The following EFHD1 variants were observed in gnomAD, a reference collection of about 807,000 sequenced individuals.
EFHD1 encodes EF-hand domain family member D1.
In EFHD1, 10 loss-of-function variants were observed where a neutral mutation model predicts 17.2. The observed-to-expected ratio is 0.58, with a 90% CI of 0.36 to 0.99. The LOEUF (loss-of-function observed/expected upper bound fraction) is 0.99. Ranked by LOEUF, EFHD1 falls within the 50% of genes least tolerant of loss-of-function variation. EFHD1 has a pLI of 0.01. For synonymous variants in EFHD1, 153 were observed against 142.0 expected, an observed-to-expected ratio of 1.08 and a Z score of -0.55; for missense variants, 310 against 327.5, an observed-to-expected ratio of 0.95 and a Z score of 0.41.
intron 1 of EFHD1, chr2:232,638,548 C>T (rs575232862): frequency 7.1e-5 from 32 of 449,714 alleles, no homozygotes; most frequent in Non-Finnish European, 1.4e-4. Context: ...TTTTTCTCCT[C>T]CTTAGTCTTG....
intron 1 of EFHD1, among the ~76,000 whole-genome samples, chr2:232,662,487 C>G (rs1694891050): frequency 1.3e-5 from 2 of 152,056 alleles, no homozygotes; most frequent in Admixed American, 6.5e-5. Flanking sequence ...GAGGTGCTCG[C>G]TTGATGTTTG....
chr2:232,658,288 A>G (rs1400539943), intron 1 of EFHD1, among the ~76,000 whole-genome samples: 2 of 152,064 alleles, frequency 1.3e-5, no homozygotes, highest in African/African-American at 4.8e-5. Context: ...TTCTGCCCCA[A>G]CTTTGTGTCA....
intron 3 of EFHD1, among the ~76,000 whole-genome samples, chr2:232,680,672 C>A (rs976742169): frequency 6.6e-6 from 1 of 152,086 alleles, no homozygotes; most frequent in African/African-American, 2.4e-5. Context: ...CCATACCTGG[C>A]TAATTTTTGT....
chr2:232,628,460 C>G (rs1346404715), intron 1 of EFHD1, among the ~76,000 whole-genome samples: 2 of 152,184 alleles, frequency 1.3e-5, no homozygotes, highest in African/African-American at 4.8e-5. Context: ...AAGAAGTTGA[C>G]AATCCAAAAA....
At chr2:232,613,647 CACACACACACAAAT>C (rs1466784720) in intron 1 of EFHD1, among the ~76,000 whole-genome samples, 1 of 145,468 alleles carries the variant, frequency 6.9e-6, no homozygotes, top group South Asian at 2.1e-4. Context: ...CACACACATA[CACACACACACAAAT>C]ACACACACAC....
upstream of EFHD1, among the ~76,000 whole-genome samples, chr2:232,630,214 T>A (rs1694178379): frequency 6.6e-6 from 1 of 152,206 alleles, no homozygotes; most frequent in Non-Finnish European, 1.5e-5. Context: ...CCTCCCAAAG[T>A]GCTGGGATTA....
At chr2:232,637,274 C>A (rs139417010) in intron 1 of EFHD1, among the ~76,000 whole-genome samples, 2 of 151,606 alleles carry the variant, frequency 1.3e-5, no homozygotes, top group African/African-American at 4.8e-5. Context: ...GGCGCATCAC[C>A]GTAATCTCTG....
At position 232,613,765 on chromosome 2, in the gene EFHD1, CAT is replaced by C. The variant is rs529691382; in HGVS notation, c.14+7594_14+7595del. Reference sequence around the variant, plus strand: ...ACATACACACACAAATACGCACACACATACACACACAAATATACACACACATA... The same window carrying C: ...ACATACACACACAAATACGCACACACACACACACAAATATACACACACATA... On this transcript the variant is annotated intron_variant, in intron 1 of 3. Transcript: ENST00000409613. Among the ~76,000 whole-genome samples the C allele has an allele frequency of 1.6e-3, 243 of 151,084 alleles. 3 individuals are homozygous for C. Among genetic ancestry groups the C allele is most frequent in the African/African-American group, 5.7e-3 (235 of 41,014 alleles).
chr2:232,637,913 G>T (rs1180667342), intron 1 of EFHD1, among the ~76,000 whole-genome samples: 1 of 152,168 alleles, frequency 6.6e-6, no homozygotes, highest in African/African-American at 2.4e-5. Context: ...TTTGTTGGGT[G>T]CTTGGAGTGG....
At chr2:232,627,409 C>T (rs1694127284) in intron 1 of EFHD1, among the ~76,000 whole-genome samples, 1 of 152,112 alleles carries the variant, frequency 6.6e-6, no homozygotes, top group Non-Finnish European at 1.5e-5. Context: ...TGTTCATGTA[C>T]TTTCAGTTTC....
At chr2:232,626,907 C>T (rs958494946) in intron 1 of EFHD1, among the ~76,000 whole-genome samples, 28 of 151,178 alleles carry the variant, frequency 1.9e-4, no homozygotes, top group African/African-American at 6.1e-4. Flanking sequence ...AATTTTGGGC[C>T]GAGCATGATG....
chr2:232,638,527 C>T, intron 1 of EFHD1: 1 of 461,082 alleles, frequency 2.2e-6, no homozygotes. Flanking sequence ...CCCCTCTCCT[C>T]TCCCAGTTTC....
intron 1 of EFHD1, among the ~76,000 whole-genome samples, chr2:232,644,059 T>C (rs1339990692): frequency 1.3e-5 from 2 of 152,186 alleles, no homozygotes; most frequent in Non-Finnish European, 2.9e-5. Context: ...CAGTTGGTGC[T>C]GAGTGGGCTG....
chr2:232,674,356 A>G (rs1695134248), intron 3 of EFHD1, among the ~76,000 whole-genome samples: 1 of 152,270 alleles, frequency 6.6e-6, no homozygotes, highest in Non-Finnish European at 1.5e-5. Flanking sequence ...TCAAAAAATG[A>G]GATGCAGCTG....
chr2:232,622,271 C>A (rs1574703269), intron 1 of EFHD1, among the ~76,000 whole-genome samples: 1 of 152,248 alleles, frequency 6.6e-6, no homozygotes, highest in East Asian at 1.9e-4. Context: ...AGTTCGAGAC[C>A]AGCCTGGCCA....
At chr2:232,674,871 C>T (rs185048680) in intron 3 of EFHD1, among the ~76,000 whole-genome samples, 52 of 152,060 alleles carry the variant, frequency 3.4e-4, no homozygotes, top group African/African-American at 1.1e-3. Flanking sequence ...GAGGGTGAGA[C>T]GTGTTTGGAG....
At chr2:232,634,246 G>A (rs1225194857) in intron 1 of EFHD1, among the ~76,000 whole-genome samples, 1 of 152,082 alleles carries the variant, frequency 6.6e-6, no homozygotes, top group African/African-American at 2.4e-5. Context: ...GTTCTCGGCG[G>A]CTGCCGGGCC....
In EFHD1 at chr2:232,613,683, CAT is replaced by C. The variant is rs749175180; in HGVS notation, c.14+7512_14+7513del. ...AAATACACACACACAAATATACACA[CAT>C]ACACAAATATACACACACATACACA... is the stretch of plus-strand genomic sequence containing the variant. On this transcript the variant is annotated intron_variant, in intron 1 of 3. Coordinates refer to the EFHD1 transcript ENST00000409613. Among the ~76,000 whole-genome samples, 404 of 137,720 alleles carry C rather than the reference CAT, an allele frequency of 2.9e-3. 3 individuals are homozygous for C. Among genetic ancestry groups the C allele is most frequent in the African/African-American group, 0.012 (374 of 32,486 alleles). 90.3% of individuals were successfully genotyped at this position (137,720 alleles called of 152,430 possible).
intron 3 of EFHD1, among the ~76,000 whole-genome samples, chr2:232,681,275 A>G (rs1695277357): frequency 6.6e-6 from 1 of 152,208 alleles, no homozygotes; most frequent in Non-Finnish European, 1.5e-5. Flanking sequence ...TAATGTAAAA[A>G]TGGTTAATAA....
Sources: gnomAD v4.1 joint callset for allele counts (sites outside exome capture counted in the v4.1 genomes callset) on GRCh38, gnomAD v4.1.1 for gene constraint, MANE v1.5 for transcripts, NCBI Gene and HGNC (gene_info 2026-07-23, HGNC 2026-07-21) for gene names.